F11: variants seen among roughly 807,000 people sequenced by gnomAD.
F11 encodes coagualtion factor XI.
A neutral mutation model predicts 76.5 loss-of-function variants in F11; 78 were observed. The observed-to-expected ratio is 1.02, with a 90% CI of 0.85 to 1.23. The LOEUF is 1.23. Among genes scored for constraint, F11 ranks in the 50% most tolerant of loss-of-function variants. The pLI is 0.00. For synonymous variants in F11, 278 were observed against 276.3 expected (o/e 1.01, Z -0.06); for missense variants, 742 against 771.4 (o/e 0.96, Z 0.45).
intron 7 of F11, among the ~76,000 whole-genome samples, chr4:186,277,797 T>TTGTATTTA (rs1740491124): frequency 6.6e-6 from 1 of 152,168 alleles, no homozygotes; most frequent in Non-Finnish European, 1.5e-5. Flanking sequence ...GCTGTCCCTC[T>TTGTATTTA]TTTATTTATT....
intron 6 of F11, 24 bp from the exon 7 acceptor site, chr4:186,276,207 T>C: frequency 6.2e-7 from 1 of 1,614,118 alleles, no homozygotes; most frequent in Non-Finnish European, 8.5e-7. Context: ...ATTGAGTCCC[T>C]GACATAGTTC....
At chr4:186,270,765 C>G (rs1739890710) in intron 2 of F11, among the ~76,000 whole-genome samples, 1 of 151,986 alleles carries the variant, frequency 6.6e-6, no homozygotes. Context: ...AAAATCACAG[C>G]TCACTGCAGC....
rs374469022 is a variant in F11, at chr4:186,288,633, T to C, written c.*19T>C. Reference sequence around the variant, plus strand: ...AGTGTGAATGGGTTCCCAGGGGCCATTGGAGTCCCTGAAGGACCCAGGATT... The same window carrying C: ...AGTGTGAATGGGTTCCCAGGGGCCACTGGAGTCCCTGAAGGACCCAGGATT... On this transcript the variant is annotated 3_prime_UTR_variant, in exon 15 of 15. Coordinates refer to ENST00000403665, the MANE Select transcript of F11 (RefSeq NM_000128.4). 83 of 1,609,850 alleles carry C rather than the reference T, an allele frequency of 5.2e-5. No homozygotes were observed. Among genetic ancestry groups the C allele is most frequent in the South Asian group, 4.0e-4 (36 of 90,578 alleles).
In F11 at chr4:186,266,310, C is replaced by G. The variant is rs1739492871; in HGVS notation, c.-2+15C>G. On this transcript the variant is annotated intron_variant, in intron 1 of 14. Coordinates refer to ENST00000403665, the MANE Select transcript of F11 (RefSeq NM_000128.4). Reference sequence around the variant, plus strand: ...GGTCTTTTCAGGTACAGTTTCAGAACTTACTATTTAACATTCCTCTCAAGC... The same window carrying G: ...GGTCTTTTCAGGTACAGTTTCAGAAGTTACTATTTAACATTCCTCTCAAGC... 6.6e-6 allele frequency: 1 copy of G among 152,180 alleles called. No individual in the cohort carries two copies. The highest frequency in any genetic ancestry group is 2.4e-5 in the African/African-American group (1 of 41,440). The allele number at this position is 152,180 out of a possible 1,614,324, so 9.4% of individuals were successfully genotyped here.
intron 2 of F11, among the ~76,000 whole-genome samples, chr4:186,269,249 T>C (rs977171814): frequency 6.6e-6 from 1 of 152,010 alleles, no homozygotes; most frequent in East Asian, 1.9e-4. Context: ...TCGGGGTACA[T>C]ACCGAAAAAA....
At chr4:186,267,966 A>G (rs1384240519) in intron 2 of F11, among the ~76,000 whole-genome samples, 1 of 152,220 alleles carries the variant, frequency 6.6e-6, no homozygotes, top group African/African-American at 2.4e-5. Flanking sequence ...CTCAGGTTAT[A>G]ATATTCCTTT....
chr4:186,289,711 C>A (rs1741453900), downstream of F11, among the ~76,000 whole-genome samples: 2 of 143,080 alleles, frequency 1.4e-5, no homozygotes, highest in South Asian at 4.4e-4. Context: ...GAGATGAAGT[C>A]TCACCCTGTT....
chr4:186,284,953 GTAAA>G (rs1219789634), intron 11 of F11, among the ~76,000 whole-genome samples: 3 of 152,094 alleles, frequency 2.0e-5, no homozygotes, highest in Non-Finnish European at 2.9e-5. Context: ...CTATCTCTAA[GTAAA>G]TAAATAAAAT....
rs868096299 is a variant in F11, at chr4:186,285,818, G to A, written c.1480+5G>A. The stretch of plus-strand genomic sequence containing the variant: ...AAACCACAGTGAATTACACAGGTAC[G>A]GAGAATTTTATCCGGAAAGTTGTCT... On this transcript the variant is annotated splice_donor_5th_base_variant and intron_variant, in intron 12 of 14. Coordinates refer to ENST00000403665, the MANE Select transcript of F11 (RefSeq NM_000128.4). The A allele has an allele frequency of 1.6e-5, 26 of 1,613,988 alleles. No individual in the cohort carries two copies. The highest frequency in any genetic ancestry group is 3.3e-4 in the Middle Eastern group (2 of 6,084).
rs1741444837 is a variant in F11, at chr4:186,289,545, T to C, written c.*931T>C. Among the ~76,000 whole-genome samples the C allele has an allele frequency of 6.6e-6, 1 of 152,216 alleles. No individual in the cohort carries two copies. The highest frequency in any genetic ancestry group is 1.5e-5 in the Non-Finnish European group (1 of 68,042). ...AGTCTTCAGCAAGCAGCTGCCTGTA[T>C]TCTAAGCACTGGGATTTTCTGTTTC... On this transcript the variant is annotated 3_prime_UTR_variant, in exon 15 of 15. Coordinates refer to ENST00000403665, the MANE Select transcript of F11 (RefSeq NM_000128.4).
intron 7 of F11, among the ~76,000 whole-genome samples, chr4:186,278,790 G>A (rs538482262): frequency 1.3e-5 from 2 of 152,290 alleles, no homozygotes; most frequent in African/African-American, 2.4e-5. Flanking sequence ...CTGTGTTTAG[G>A]TGTCACCAAT....
chr4:186,282,978 A>G lies in F11; in HGVS notation c.1136-1114A>G, dbSNP rs1166906097. ...TGGACCTTCTAGGACCCGGCTTCTC[A>G]TCAGTGATTCTTCTGTTAACTTAGA... is the stretch of plus-strand genomic sequence containing the variant. On this transcript the variant is annotated intron_variant, in intron 10 of 14. Coordinates refer to ENST00000403665, the MANE Select transcript of F11 (RefSeq NM_000128.4). 3 of 985,288 alleles carry G rather than the reference A, an allele frequency of 3.0e-6. No individual in the cohort carries two copies. The African/African-American group carries it at 5.2e-5, about 17-fold the overall frequency. 61.0% of individuals were successfully genotyped at this position (985,288 alleles called of 1,614,324 possible).
chr4:186,288,452 G>A lies in F11; in HGVS notation c.1717-1G>A. 6.2e-7 allele frequency: 1 copy of A among 1,614,058 alleles called. No homozygotes were observed. The highest frequency in any genetic ancestry group is 1.7e-4 in the Middle Eastern group (1 of 6,060). On this transcript the variant is annotated splice_acceptor_variant, in intron 14 of 14. Coordinates refer to ENST00000403665, the MANE Select transcript of F11 (RefSeq NM_000128.4). LOFTEE classifies it high-confidence loss of function. ...CCTTTTCTTGTCTCCCCTCGTTCTA[G>A]GGAGATTCGGGAGGCCCTCTGTCCT...
chr4:186,284,700 C>T (rs945020399), intron 11 of F11, among the ~76,000 whole-genome samples: 3 of 152,040 alleles, frequency 2.0e-5, no homozygotes, highest in Non-Finnish European at 4.4e-5. Flanking sequence ...GTCATCTCAG[C>T]ACTTTGGGTG....
At chr4:186,286,219 C>A (rs1339172889) in intron 12 of F11, 196 bp from the exon 13 acceptor site, 1 of 580,854 alleles carries the variant, frequency 1.7e-6, no homozygotes, top group East Asian at 3.2e-5. Context: ...TGAGGCTTGT[C>A]TCTCTCTCGC....
chr4:186,273,048 ATATG>A lies in F11; in HGVS notation c.219-19_219-16del. 7.0e-7 allele frequency: 1 copy of A among 1,437,218 alleles called. No individual in the cohort carries two copies. Among genetic ancestry groups the A allele is most frequent in the Non-Finnish European group, 9.8e-7 (1 of 1,024,884 alleles). The allele number at this position is 1,437,218 out of a possible 1,614,324, so 89.0% of individuals were successfully genotyped here. A position where few individuals can be genotyped will look rare whatever the true frequency, so the allele number is the denominator to read the frequency against. On this transcript the variant is annotated intron_variant, in intron 3 of 14. Coordinates refer to ENST00000403665, the MANE Select transcript of F11 (RefSeq NM_000128.4). ...TAAAAACATAAATTCCTATTCATTAATATGTATTTTTTAAAAAAACAGGTTTACT... is the reference window on the plus strand; with the variant it reads ...TAAAAACATAAATTCCTATTCATTAATATTTTTTAAAAAAACAGGTTTACT...
chr4:186,288,369 C>CA, intron 14 of F11, 84 bp from the exon 15 acceptor site: 1 of 1,582,784 alleles, frequency 6.3e-7, no homozygotes. Context: ...ACATTTTAGG[C>CA]AAAATCAGCC....
chr4:186,266,987 G>GAT lies in F11; in HGVS notation c.-1-148_-1-147insTA, dbSNP rs3841991. ...TAAGGAATGCTCCAGGATTGGGAAA[G>GAT]AAAATTCAACATTATAATGAGAACA... On this transcript the variant is annotated intron_variant, in intron 1 of 14. Transcript: ENST00000403665. 0.88 allele frequency: 568,772 copies of GAT among 649,868 alleles called. 249,412 individuals are homozygous for GAT. The highest frequency in any genetic ancestry group is 0.93 in the East Asian group (33,510 of 36,164). 40.3% of individuals were successfully genotyped at this position (649,868 alleles called of 1,614,324 possible).
At position 186,286,471 on chromosome 4, in the gene F11, G is replaced by A. The variant is rs1243512935; in HGVS notation, c.1537G>A (p.Asp513Asn). Residue 513 changes from aspartate to asparagine, a missense_variant, in exon 13 of 15, where the codon GAT (aspartate) becomes AAT (asparagine). Transcript: ENST00000403665. Reference protein sequence around the residue: ...SKGDRNVIYTDCWVTGWGYRK... With the variant: ...SKGDRNVIYTNCWVTGWGYRK... ...AGGAGATAGAAATGTAATATACACTGATTGCTGGGTGACTGGATGGGGGTA... is the reference window on the plus strand; with the variant it reads ...AGGAGATAGAAATGTAATATACACTAATTGCTGGGTGACTGGATGGGGGTA... The A allele has an allele frequency of 1.2e-6, 2 of 1,613,856 alleles. No individual in the cohort carries two copies. Among genetic ancestry groups the A allele is most frequent in the Non-Finnish European group, 1.7e-6 (2 of 1,179,932 alleles).
Sources: gnomAD v4.1 joint callset for allele counts (sites outside exome capture counted in the v4.1 genomes callset) on GRCh38, gnomAD v4.1.1 for gene constraint, MANE v1.5 for transcripts, NCBI Gene and HGNC (gene_info 2026-07-23, HGNC 2026-07-21) for gene names.